The following LRRD1 variants were observed in gnomAD, a reference collection of about 807,000 sequenced individuals.
LRRD1 encodes leucine rich repeats and death domain containing 1.
In LRRD1, 49 loss-of-function variants were observed where a neutral mutation model predicts 69.5. The observed-to-expected ratio is 0.70, with a 90% CI of 0.56 to 0.89. The LOEUF (loss-of-function observed/expected upper bound fraction) is 0.89, where lower values mean the gene tolerates loss of function less well. Ranked by LOEUF, LRRD1 falls within the 40% of genes least tolerant of loss-of-function variation. LRRD1 has a pLI of 0.00. For synonymous variants in LRRD1, 303 were observed against 338.9 expected (o/e 0.89, Z 1.16); for missense variants, 853 against 956.0 (o/e 0.89, Z 1.42).
Position 92,157,216 on chromosome 7 carries a change from A to G in LRRD1, c.2116+1789T>C, listed in dbSNP as rs375989489. Among the ~76,000 whole-genome samples the G allele has an allele frequency of 2.6e-5, 4 of 151,934 alleles. No individual in the cohort carries two copies. In the East Asian group the frequency reaches 7.8e-4, roughly 29 times the overall value. On this transcript the variant is annotated intron_variant, in intron 3 of 5. Coordinates refer to ENST00000458448, the MANE Select transcript of LRRD1 (RefSeq NM_001161528.2). The stretch of plus-strand genomic sequence containing the variant: ...TGCTTGCTTTGCTTTTTATACTTAC[A>G]GTGAGAAGTTCACATGGCTTTTCAT...
downstream of LRRD1, among the ~76,000 whole-genome samples, chr7:92,143,792 A>G (rs1820239059): frequency 1.3e-5 from 2 of 152,202 alleles, no homozygotes; most frequent in African/African-American, 2.4e-5. Flanking sequence ...GGTGGGCTGA[A>G]GGGCTCCTCA....
chr7:92,175,678 CAG>C (rs1447203853), intron 1 of LRRD1, among the ~76,000 whole-genome samples: 1 of 152,002 alleles, frequency 6.6e-6, no homozygotes, highest in Non-Finnish European at 1.5e-5. Flanking sequence ...AAAACAAAAA[CAG>C]AGTGCTTATT....
intron 4 of LRRD1, among the ~76,000 whole-genome samples, chr7:92,146,711 G>A (rs1216872997): frequency 3.3e-5 from 5 of 150,698 alleles, no homozygotes; most frequent in South Asian, 2.1e-4. Context: ...ACCTGAGGTC[G>A]GGAGTTCGAG....
At chr7:92,148,640 A>AT (rs1287329349) in intron 4 of LRRD1, among the ~76,000 whole-genome samples, 2 of 151,866 alleles carry the variant, frequency 1.3e-5, no homozygotes, top group Non-Finnish European at 2.9e-5. Flanking sequence ...AAGGAGATAA[A>AT]TGGCTGAGAT....
At chr7:92,161,881 GGT>G in intron 2 of LRRD1, among the ~76,000 whole-genome samples, 1 of 152,302 alleles carries the variant, frequency 6.6e-6, no homozygotes, top group Middle Eastern at 3.4e-3. Flanking sequence ...CTACAGCACT[GGT>G]GTGAGATCAG....
downstream of LRRD1, chr7:92,141,674 TG>T (rs1425857224): frequency 6.6e-6 from 1 of 152,190 alleles, no homozygotes; most frequent in Non-Finnish European, 1.5e-5. Flanking sequence ...TAATGTTCTA[TG>T]GAAGTACCTT....
At position 92,147,346 on chromosome 7, in the gene LRRD1, G is replaced by A. The variant is rs540176196; in HGVS notation, c.2279-1146C>T. On this transcript the variant is annotated intron_variant, in intron 4 of 5. Transcript: ENST00000458448. ...GCCTCCCAAAGTGCTGGGATTAAAG[G>A]CATGAGTCACCACACTGGGCCTATT... 8.5e-5 allele frequency among the ~76,000 whole-genome samples: 13 copies of A among 152,244 alleles called. No individual in the cohort carries two copies. In the South Asian group the frequency reaches 2.7e-3, roughly 32 times the overall value.
At chr7:92,174,509 ATTTTTTTTTTT>A (rs35052440) in intron 1 of LRRD1, among the ~76,000 whole-genome samples, 27 of 12,862 alleles carry the variant, frequency 2.1e-3, no homozygotes, top group Admixed American at 7.5e-3. Context: ...ATATATATAT[ATTTTTTTTTTT>A]TTTTTTTTTT....
intron 2 of LRRD1, among the ~76,000 whole-genome samples, chr7:92,159,478 C>G (rs1183633272): frequency 6.6e-6 from 1 of 152,090 alleles, no homozygotes. Flanking sequence ...TCCCATCACT[C>G]AGTGTTCATT....
downstream of LRRD1, among the ~76,000 whole-genome samples, chr7:92,143,502 G>A (rs531001995): frequency 7.9e-5 from 12 of 152,280 alleles, no homozygotes; most frequent in Admixed American, 1.3e-4. Flanking sequence ...TGCAGGTCCC[G>A]AGCCCTGCCC....
At chr7:92,167,599 C>T (rs557279974) in intron 1 of LRRD1, among the ~76,000 whole-genome samples, 15 of 151,612 alleles carry the variant, frequency 9.9e-5, no homozygotes, top group Admixed American at 3.3e-4. Flanking sequence ...TCTGCTCAGC[C>T]GGGCGCGGTG....
chr7:92,148,568 G>A (rs1373140152), intron 4 of LRRD1, among the ~76,000 whole-genome samples: 1 of 151,996 alleles, frequency 6.6e-6, no homozygotes, highest in Admixed American at 6.6e-5. Context: ...CTCCCATACT[G>A]ATTTCTTTCT....
intron 1 of LRRD1, among the ~76,000 whole-genome samples, chr7:92,166,471 A>G (rs962783570): frequency 7.9e-5 from 12 of 152,260 alleles, no homozygotes; most frequent in African/African-American, 2.9e-4. Context: ...CAACAAGGAC[A>G]ATATGAAAAA....
rs1820318301 is a variant in LRRD1, at chr7:92,146,148, G to C, written c.2331C>G (p.Thr777=). The change falls in exon 5 of 6, where the codon ACC becomes ACG. Residue 777 remains threonine (T), a synonymous_variant. Coordinates refer to ENST00000458448, the MANE Select transcript of LRRD1 (RefSeq NM_001161528.2). ...GTTTTTGACATAAAAATTCAAAATT[G>C]GTTTCAGTGATGTTGTTGGCAACTA... ...FKIVANNITE[T]NFEFLCQKLN... 2 of 1,541,900 alleles carry C rather than the reference G, an allele frequency of 1.3e-6. No homozygotes were observed. Among genetic ancestry groups the C allele is most frequent in the Non-Finnish European group, 1.7e-6 (2 of 1,143,476 alleles).
At chr7:92,145,114 A>G in intron 5 of LRRD1, 40 bp from the exon 6 acceptor site, 1 of 1,010,830 alleles carries the variant, frequency 9.9e-7, no homozygotes, top group African/African-American at 1.7e-5. Context: ...TTAAATATTT[A>G]TTAACGTTTA....
chr7:92,146,171 C>T lies in LRRD1; in HGVS notation c.2308G>A (p.Val770Ile). The change falls in exon 5 of 6, where the codon GTT (valine) becomes ATT (isoleucine). Residue 770 changes from valine (V) to isoleucine (I), a missense_variant. By Grantham distance (29) the Val-to-Ile change is conservative. Around this residue, in one of 3 missense-constraint regions of LRRD1, gnomAD observed 739 missense variants for 808.0 expected, o/e 0.91. Transcript: ENST00000458448. ...TTGGTTTCAGTGATGTTGTTGGCAA[C>T]TATCTTGAATATCTTCTCTAAAATT... ...EKILEKIFKIVANNITETNFE... is the reference protein window; with the variant it reads ...EKILEKIFKIIANNITETNFE... The T allele has an allele frequency of 1.3e-6, 2 of 1,532,948 alleles. No homozygotes were observed. The highest frequency in any genetic ancestry group is 2.8e-5 in the African/African-American group (2 of 72,304). 95.0% of individuals were successfully genotyped at this position (1,532,948 alleles called of 1,614,324 possible). A position where few individuals can be genotyped will look rare whatever the true frequency, so the allele number is the denominator to read the frequency against.
downstream of LRRD1, among the ~76,000 whole-genome samples, chr7:92,143,109 G>A (rs533076146): frequency 4.6e-5 from 7 of 152,148 alleles, no homozygotes; most frequent in Admixed American, 1.3e-4. Context: ...GGTTCTCCAC[G>A]TCCCCACTAG....
chr7:92,149,000 GCCTCCCAAAGTGCCGGGATTA>G (rs1820400667), intron 4 of LRRD1, among the ~76,000 whole-genome samples: 1 of 151,952 alleles, frequency 6.6e-6, no homozygotes, highest in Non-Finnish European at 1.5e-5. Flanking sequence ...ACCCACCTTG[GCCTCCCAAAGTGCCGGGATTA>G]CAGGTGTGAG....
chr7:92,164,209 A>G lies in LRRD1; in HGVS notation c.994T>C (p.Leu332=). The change falls in exon 2 of 6, where the codon TTA becomes CTA. Residue 332 remains leucine (L), a synonymous_variant. Transcript: ENST00000458448. The stretch of plus-strand genomic sequence containing the variant: ...AAGGTAAGCTTATTGTGATCCATTA[A>G]AAGTGTTTCTAAATTTTTAAGCTCT... The part of the protein sequence containing the change: ...IRELKNLETL[L]MDHNKLTFLA... 6.5e-7 allele frequency: 1 copy of G among 1,549,662 alleles called. No individual in the cohort carries two copies. Among genetic ancestry groups the G allele is most frequent in the Non-Finnish European group, 8.7e-7 (1 of 1,146,410 alleles).
Sources: allele counts gnomAD v4.1 joint callset (sites outside exome capture counted in the v4.1 genomes callset), GRCh38; gene constraint gnomAD v4.1.1; regional missense constraint gnomAD v4.1.1; transcripts MANE v1.5; gene names NCBI Gene and HGNC (gene_info 2026-07-23, HGNC 2026-07-21).